Variants in ARHGAP1 observed in about 807,000 individuals in gnomAD.
The protein encoded by ARHGAP1 is rho GTPase-activating protein 1.
In ARHGAP1, 23 loss-of-function variants were observed where a neutral mutation model predicts 52.2. That is an observed-to-expected ratio of 0.44 (90% confidence interval 0.32 to 0.62). The LOEUF (loss-of-function observed/expected upper bound fraction) is 0.62. Ranked by LOEUF, ARHGAP1 falls within the 20% of genes least tolerant of loss-of-function variation. The pLI is 0.05. For synonymous variants in ARHGAP1, 210 were observed against 228.4 expected, an observed-to-expected ratio of 0.92 and a Z score of 0.73; for missense variants, 480 against 560.9, an observed-to-expected ratio of 0.86 and a Z score of 1.46.
At chr11:46,684,873 A>C (rs933809870) in intron 4 of ARHGAP1, among the ~76,000 whole-genome samples, 6 of 152,132 alleles carry the variant, frequency 3.9e-5, no homozygotes, top group African/African-American at 1.4e-4. Flanking sequence ...AGATCACCAG[A>C]GGTCAGGAGT....
chr11:46,679,874 C>G lies in ARHGAP1; in HGVS notation c.899-98G>C, dbSNP rs963165406. ...CGCACTGCCTGACTGCCCCTGGACA[C>G]TGCATAAGCCCCTCCTCCCAGGGGC... On this transcript the variant is annotated intron_variant, in intron 10 of 12. Transcript: ENST00000311956. The surrounding 1 kb of genome is among the most constrained non-coding windows in gnomAD (Gnocchi z 4.4). 1.9e-6 allele frequency: 3 copies of G among 1,545,216 alleles called. No homozygotes were observed. The African/African-American group carries it at 4.1e-5, about 21-fold the overall frequency.
intron 3 of ARHGAP1, among the ~76,000 whole-genome samples, chr11:46,689,887 CA>C (rs1339038010): frequency 2.6e-5 from 4 of 152,124 alleles, no homozygotes; most frequent in Non-Finnish European, 5.9e-5. Context: ...GTGATCTTGC[CA>C]AATAGTCATC....
rs763066412 is a variant in ARHGAP1, at chr11:46,680,508, C to A, written c.799G>T (p.Val267Phe). The stretch of plus-strand genomic sequence containing the variant: ...TCACCGTGGGCCTGTAAGTAGGCAA[C>A]AGTCTCCCTGAGTACAATGGGAATG... ...EPIPIVLRET[V>F]AYLQAHALTT... The change falls in exon 9 of 13, where the codon GTT (valine) becomes TTT (phenylalanine). Residue 267 changes from valine to phenylalanine, a missense_variant. Physicochemically the swap from Val to Phe is conservative, Grantham distance 50. Transcript: ENST00000311956. The surrounding 1 kb of genome is among the most constrained non-coding windows in gnomAD (Gnocchi z 5.9). 3.4e-5 allele frequency: 55 copies of A among 1,613,964 alleles called. No individual in the cohort carries two copies. Among genetic ancestry groups the A allele is most frequent in the Non-Finnish European group, 4.4e-5 (52 of 1,179,998 alleles).
chr11:46,683,178 G>A (rs2064541712), intron 4 of ARHGAP1, among the ~76,000 whole-genome samples: 1 of 151,184 alleles, frequency 6.6e-6, no homozygotes, highest in African/African-American at 2.4e-5. Flanking sequence ...AGTAGGAACC[G>A]CAGGTGTGAG....
At chr11:46,686,980 G>A (rs539246194) in intron 4 of ARHGAP1, 1 of 152,460 alleles carries the variant, frequency 6.6e-6, no homozygotes, top group East Asian at 1.9e-4. Flanking sequence ...ACTTCCTGAA[G>A]CCAAGGACGC....
intron 3 of ARHGAP1, among the ~76,000 whole-genome samples, chr11:46,688,505 G>A (rs2064588689): frequency 1.3e-5 from 2 of 151,874 alleles, no homozygotes; most frequent in South Asian, 4.1e-4. Context: ...TCTTTGAGAT[G>A]GGGTCTTGTT....
intron 3 of ARHGAP1, among the ~76,000 whole-genome samples, chr11:46,694,643 C>A (rs2064638979): frequency 6.6e-6 from 1 of 152,180 alleles, no homozygotes; most frequent in African/African-American, 2.4e-5. Context: ...AAGTTCAGAA[C>A]CTTCAAGGTG....
rs10838612 is a variant in ARHGAP1, at chr11:46,680,178, G to T, written c.898+27C>A. The T allele has an allele frequency of 0.13, 209,295 of 1,610,266 alleles. 21,302 individuals are homozygous for T. Among genetic ancestry groups the T allele is most frequent in the East Asian group, 0.61 (27,120 of 44,820 alleles). ...GCCCCCTACCAGTAACACACATATG[G>T]CCCTGCAACAGCCCAGGGCTGCTCA... On this transcript the variant is annotated intron_variant, in intron 10 of 12. Transcript: ENST00000311956. The surrounding 1 kb of genome is among the most constrained non-coding windows in gnomAD (Gnocchi z 5.9).
At chr11:46,687,821 C>A (rs1477138267) in intron 4 of ARHGAP1, 1 of 226,498 alleles carries the variant, frequency 4.4e-6, no homozygotes, top group Non-Finnish European at 8.7e-6. Context: ...TCAGAAACAC[C>A]ATAGGATTAT....
intron 3 of ARHGAP1, among the ~76,000 whole-genome samples, chr11:46,690,163 T>C (rs1592389688): frequency 6.6e-6 from 1 of 151,350 alleles, no homozygotes. Context: ...GATCATGAGG[T>C]CAGGAGATCG....
At chr11:46,684,473 T>C (rs1405797325) in intron 4 of ARHGAP1, among the ~76,000 whole-genome samples, 2 of 152,126 alleles carry the variant, frequency 1.3e-5, no homozygotes, top group Non-Finnish European at 2.9e-5. Context: ...TCATGGCCCA[T>C]TTTATGATAG....
chr11:46,690,002 G>C (rs987529291), intron 3 of ARHGAP1, among the ~76,000 whole-genome samples: 6 of 152,160 alleles, frequency 3.9e-5, no homozygotes, highest in African/African-American at 1.4e-4. Context: ...GAGGAAATCA[G>C]TCTGATTACT....
At position 46,679,907 on chromosome 11, in the gene ARHGAP1, G is replaced by A; in HGVS notation, c.899-131C>T. ...GCCCCTCCTCCCAGGGGCGCCCTCTGACACCTGCCTCCCTCTTCCTCTGTG... is the reference window on the plus strand; with the variant it reads ...GCCCCTCCTCCCAGGGGCGCCCTCTAACACCTGCCTCCCTCTTCCTCTGTG... On this transcript the variant is annotated intron_variant, in intron 10 of 12. Coordinates refer to ENST00000311956, the MANE Select transcript of ARHGAP1 (RefSeq NM_004308.5). This position sits in a 1 kb window ranked among gnomAD's most constrained non-coding sequence, Gnocchi z 4.4. 5 of 1,382,944 alleles carry A rather than the reference G, an allele frequency of 3.6e-6. No individual in the cohort carries two copies. The highest frequency in any genetic ancestry group is 2.9e-6 in the Non-Finnish European group (3 of 1,033,702). The allele number at this position is 1,382,944 out of a possible 1,614,324, so 85.7% of individuals were successfully genotyped here.
chr11:46,688,550 C>T (rs535920518), intron 3 of ARHGAP1, among the ~76,000 whole-genome samples: 1 of 152,150 alleles, frequency 6.6e-6, no homozygotes, highest in African/African-American at 2.4e-5. Context: ...GGCGCAATCA[C>T]GGCTCACTGT....
chr11:46,699,610 G>C (rs534992810), intron 1 of ARHGAP1, among the ~76,000 whole-genome samples: 1 of 152,066 alleles, frequency 6.6e-6, no homozygotes, highest in South Asian at 2.1e-4. Context: ...GGCTGAGGCA[G>C]AAGAATCGCT....
intron 3 of ARHGAP1, among the ~76,000 whole-genome samples, chr11:46,692,902 G>C (rs1002192114): frequency 8.6e-5 from 13 of 150,914 alleles, no homozygotes; most frequent in Admixed American, 4.0e-4. Context: ...GCCCAGGCTG[G>C]AGTGCAGTGG....
chr11:46,700,583 G>C lies in ARHGAP1; in HGVS notation c.-82C>G, dbSNP rs1181599331. 4.9e-6 allele frequency: 1 copy of C among 202,412 alleles called. No individual in the cohort carries two copies. Among genetic ancestry groups the C allele is most frequent in the African/African-American group, 2.3e-5 (1 of 42,640 alleles). 12.5% of individuals were successfully genotyped at this position (202,412 alleles called of 1,614,324 possible). A position where few individuals can be genotyped will look rare whatever the true frequency, so the allele number is the denominator to read the frequency against. ...GGGCACTGCTCCCTCTGCCACGCCT[G>C]TCAAGGCTCGGCAAACATCCGGCTC... On this transcript the variant is annotated 5_prime_UTR_variant, in exon 1 of 13. Transcript: ENST00000311956.
At chr11:46,685,603 G>A (rs1029346524) in intron 4 of ARHGAP1, among the ~76,000 whole-genome samples, 2 of 151,636 alleles carry the variant, frequency 1.3e-5, no homozygotes, top group Admixed American at 6.6e-5. Flanking sequence ...GAGATTACAG[G>A]CGTGAGCCAC....
At position 46,678,621 on chromosome 11, in the gene ARHGAP1, A is replaced by G. The variant is rs1238235145; in HGVS notation, c.*416T>C. On this transcript the variant is annotated 3_prime_UTR_variant, in exon 13 of 13. Transcript: ENST00000311956. ...CAGCTTGGGGCGGTGTCCACACCAA[A>G]GAGCTCAGCTGCTCATTCCCAGCAA... The G allele has an allele frequency of 5.0e-6, 1 of 201,096 alleles. No homozygotes were observed. The highest frequency in any genetic ancestry group is 1.0e-5 in the Non-Finnish European group (1 of 97,400). 12.5% of individuals were successfully genotyped at this position (201,096 alleles called of 1,614,324 possible).
Sources: gnomAD v4.1 joint callset for allele counts (sites outside exome capture counted in the v4.1 genomes callset) on GRCh38, gnomAD v4.1.1 for gene constraint, Gnocchi (gnomAD v3.1) non-coding constraint, MANE v1.5 for transcripts, NCBI Gene and HGNC (gene_info 2026-07-23, HGNC 2026-07-21) for gene names.